The following CPNE4 variants were observed in gnomAD, a reference collection of about 807,000 sequenced individuals.
CPNE4 encodes the protein copine-4.
CPNE4 carries 25 observed loss-of-function variants against 67.9 expected under a neutral mutation model. The observed-to-expected ratio is 0.37, with a 90% confidence interval of 0.27 to 0.51. The LOEUF (loss-of-function observed/expected upper bound fraction) is 0.51, where lower values mean the gene tolerates loss of function less well. Ranked by LOEUF, CPNE4 falls within the 20% of genes least tolerant of loss-of-function variation. CPNE4 has a pLI of 0.93. For synonymous variants in CPNE4, 242 were observed against 244.9 expected, an observed-to-expected ratio of 0.99 and a Z score of 0.11; for missense variants, 464 against 690.8, an observed-to-expected ratio of 0.67 and a Z score of 3.68.
intron 1 of CPNE4, among the ~76,000 whole-genome samples, chr3:131,968,253 C>T (rs998519856): frequency 6.6e-6 from 1 of 152,074 alleles, no homozygotes; most frequent in Non-Finnish European, 1.5e-5. Context: ...ACCATAAAAA[C>T]CCTAGAAGAT....
At chr3:131,675,525 T>C (rs531969105) in intron 6 of CPNE4, among the ~76,000 whole-genome samples, 8 of 152,294 alleles carry the variant, frequency 5.3e-5, no homozygotes, top group African/African-American at 1.9e-4. Flanking sequence ...ACAACTGCTA[T>C]ATTCTCTCGC....
At chr3:131,827,994 T>A (rs2085229158) in intron 2 of CPNE4, among the ~76,000 whole-genome samples, 1 of 152,082 alleles carries the variant, frequency 6.6e-6, no homozygotes, top group East Asian at 1.9e-4. Context: ...AGCTCATATT[T>A]CAATGAGGGA....
chr3:131,727,464 C>CA (rs537171984), intron 2 of CPNE4, among the ~76,000 whole-genome samples: 1,363 of 131,656 alleles, frequency 0.01, 19 homozygotes, highest in East Asian at 0.047. Context: ...GACTCCGTCT[C>CA]AAAAAAAAGA....
chr3:132,029,488 C>T (rs149743596), intron 1 of CPNE4, among the ~76,000 whole-genome samples: 3 of 152,308 alleles, frequency 2.0e-5, no homozygotes, highest in East Asian at 3.9e-4. Flanking sequence ...AGCGATTGTC[C>T]ATTCCAATGC....
chr3:131,665,128 G>A (rs1047238000), intron 7 of CPNE4, among the ~76,000 whole-genome samples: 2 of 152,158 alleles, frequency 1.3e-5, no homozygotes, highest in African/African-American at 2.4e-5. Flanking sequence ...TTAGAAGGCT[G>A]AGGGAGAGGA....
chr3:131,772,296 A>G (rs772268050), intron 2 of CPNE4, among the ~76,000 whole-genome samples: 1 of 152,190 alleles, frequency 6.6e-6, no homozygotes, highest in East Asian at 1.9e-4. Flanking sequence ...TGTTAAATGA[A>G]TAAACAGATT....
chr3:131,879,362 A>G (rs9860875), intron 2 of CPNE4, among the ~76,000 whole-genome samples: 96,374 of 152,084 alleles, frequency 0.63, 30,771 homozygotes, highest in Admixed American at 0.72. Flanking sequence ...ATCCTTCCCC[A>G]AAATCTCAAC....
chr3:131,863,472 T>C (rs542881811), intron 2 of CPNE4, among the ~76,000 whole-genome samples: 3 of 152,370 alleles, frequency 2.0e-5, no homozygotes, highest in Admixed American at 2.0e-4. Flanking sequence ...ATGATAAGCA[T>C]TTTTACATGT....
chr3:131,718,529 AT>A (rs1469492377), intron 3 of CPNE4, among the ~76,000 whole-genome samples: 1 of 152,058 alleles, frequency 6.6e-6, no homozygotes, highest in African/African-American at 2.4e-5. Context: ...TGTACCAGTC[AT>A]TTTGTCCCAA....
chr3:131,922,500 A>G (rs1202823814), intron 1 of CPNE4, among the ~76,000 whole-genome samples: 1 of 152,222 alleles, frequency 6.6e-6, no homozygotes, highest in Non-Finnish European at 1.5e-5. Flanking sequence ...AGAGGCTAAG[A>G]AAAGAAGACA....
At chr3:131,835,763 C>A (rs1358475837) in intron 2 of CPNE4, among the ~76,000 whole-genome samples, 1 of 152,130 alleles carries the variant, frequency 6.6e-6, no homozygotes, top group African/African-American at 2.4e-5. Flanking sequence ...CCCTATTAAC[C>A]TACCCCTTCC....
chr3:131,590,560 A>T (rs1938466160), intron 7 of CPNE4, among the ~76,000 whole-genome samples: 1 of 152,122 alleles, frequency 6.6e-6, no homozygotes, highest in Non-Finnish European at 1.5e-5. Flanking sequence ...ATTACAATTT[A>T]TTTTTTTCTG....
intron 5 of CPNE4, among the ~76,000 whole-genome samples, chr3:131,693,167 T>G (rs1447966004): frequency 6.6e-6 from 1 of 152,166 alleles, no homozygotes; most frequent in Non-Finnish European, 1.5e-5. Context: ...AATGGTGCAT[T>G]TCTCTGTCAC....
At chr3:131,848,744 C>A (rs551323086) in intron 2 of CPNE4, among the ~76,000 whole-genome samples, 1 of 151,018 alleles carries the variant, frequency 6.6e-6, no homozygotes, top group Admixed American at 6.6e-5. Context: ...TTGAGAAATG[C>A]AAAATTCTTT....
At chr3:131,852,148 A>G (rs1424172570) in intron 2 of CPNE4, among the ~76,000 whole-genome samples, 1 of 152,090 alleles carries the variant, frequency 6.6e-6, no homozygotes, top group Admixed American at 6.6e-5. Flanking sequence ...TTTTCTATGT[A>G]CTTACAGAGT....
rs536231459 is a variant in CPNE4 at position 131,553,603 on chromosome 3, G to A, written c.1117-1112C>T. On this transcript the variant is annotated intron_variant, in intron 12 of 15. Coordinates refer to ENST00000429747, the MANE Select transcript of CPNE4 (RefSeq NM_130808.3). ...GAGTTAAGCACCAGTTGCCAACAGC[G>A]GTAACTGACTTGATAATATACTCTG... 8.6e-5 allele frequency among the ~76,000 whole-genome samples: 13 copies of A among 152,040 alleles called. No individual in the cohort carries two copies. The East Asian group carries it at 1.4e-3, about 16-fold the overall frequency.
chr3:131,562,609 T>C (rs1936829411), intron 11 of CPNE4, among the ~76,000 whole-genome samples: 1 of 152,076 alleles, frequency 6.6e-6, no homozygotes, highest in African/African-American at 2.4e-5. Flanking sequence ...AATGTGTGTA[T>C]GCATCTGTGT....
At chr3:131,750,642 C>T (rs1490422524) in intron 2 of CPNE4, among the ~76,000 whole-genome samples, 1 of 152,008 alleles carries the variant, frequency 6.6e-6, no homozygotes, top group Non-Finnish European at 1.5e-5. Flanking sequence ...ACTGAAGAAC[C>T]ACATCATACA....
chr3:131,850,451 GTTAAA>G, intron 2 of CPNE4, among the ~76,000 whole-genome samples: 2 of 152,238 alleles, frequency 1.3e-5, no homozygotes, highest in African/African-American at 4.8e-5. Context: ...TCGTAGGGCA[GTTAAA>G]TTAAGTAGGG....
Sources: allele counts gnomAD v4.1 joint callset (sites outside exome capture counted in the v4.1 genomes callset), GRCh38; gene constraint gnomAD v4.1.1; transcripts MANE v1.5; gene names NCBI Gene and HGNC (gene_info 2026-07-23, HGNC 2026-07-21).